CTNNA3: variants seen among roughly 807,000 people sequenced by gnomAD.
The protein encoded by CTNNA3 is catenin alpha 3.
CTNNA3 carries 76 observed loss-of-function variants against 95.7 expected under a neutral mutation model. The observed-to-expected ratio is 0.79, with a 90% CI of 0.66 to 0.96. The LOEUF is 0.96. Among genes scored for constraint, CTNNA3 ranks in the 40% least tolerant of loss-of-function variants. The probability of loss-of-function intolerance (pLI) is 0.00; values close to 1 mark genes in which losing one functional copy is unlikely to be tolerated. For missense variants in CTNNA3, 1,191 were observed against 1,089.8 expected, an observed-to-expected ratio of 1.09 and a Z score of -1.31; for synonymous variants, 431 against 374.4, an observed-to-expected ratio of 1.15 and a Z score of -1.74.
intron 11 of CTNNA3, among the ~76,000 whole-genome samples, chr10:66,520,117 G>A (rs1387445994): frequency 6.6e-6 from 1 of 151,812 alleles, no homozygotes; most frequent in Non-Finnish European, 1.5e-5. Context: ...AAGAGGTCAG[G>A]CTCATAATCC....
intron 7 of CTNNA3, among the ~76,000 whole-genome samples, chr10:67,167,364 G>A (rs922251084): frequency 2.0e-5 from 3 of 152,110 alleles, no homozygotes; most frequent in African/African-American, 7.2e-5. Context: ...TTATCTCTCT[G>A]TGTAGGCTGG....
rs1321743653 is a variant in CTNNA3 at position 66,881,083 on chromosome 10, C to A, written c.1048-105559G>T. ...ACTATCAGGCAGCATCCTGGGTGACCTACTGGCAGGTTTTTCCAAATCATT... is the reference window on the plus strand; with the variant it reads ...ACTATCAGGCAGCATCCTGGGTGACATACTGGCAGGTTTTTCCAAATCATT... On this transcript the variant is annotated intron_variant, in intron 7 of 17. Coordinates refer to ENST00000433211, the MANE Select transcript of CTNNA3 (RefSeq NM_013266.4). Among the ~76,000 whole-genome samples the A allele has an allele frequency of 2.6e-5, 4 of 152,056 alleles. No homozygotes were observed. In the East Asian group the frequency reaches 7.7e-4, roughly 29 times the overall value.
intron 6 of CTNNA3, among the ~76,000 whole-genome samples, chr10:67,207,630 C>T (rs1474375904): frequency 6.6e-6 from 1 of 152,084 alleles, no homozygotes; most frequent in Admixed American, 6.6e-5. Flanking sequence ...ATTTGCTTTC[C>T]ATGTTCTAAA....
At chr10:66,672,541 A>G (rs1197423516) in intron 9 of CTNNA3, among the ~76,000 whole-genome samples, 1 of 152,170 alleles carries the variant, frequency 6.6e-6, no homozygotes, top group African/African-American at 2.4e-5. Flanking sequence ...AATTTCCTTA[A>G]GACTTTTTTA....
chr10:66,679,207 C>T (rs1034936203), intron 9 of CTNNA3, among the ~76,000 whole-genome samples: 3 of 151,988 alleles, frequency 2.0e-5, no homozygotes, highest in African/African-American at 4.8e-5. Context: ...AATGCGAAGC[C>T]ATTTCAATCT....
chr10:66,447,117 A>G (rs201635576), intron 11 of CTNNA3, among the ~76,000 whole-genome samples: 6,505 of 151,800 alleles, frequency 0.043, 369 homozygotes, highest in East Asian at 0.23. Context: ...CCAACTTACA[A>G]GGGATGTGAA....
intron 5 of CTNNA3, among the ~76,000 whole-genome samples, chr10:67,267,245 A>G (rs999328364): frequency 6.6e-6 from 1 of 152,268 alleles, no homozygotes; most frequent in Non-Finnish European, 1.5e-5. Context: ...ATATTTACAT[A>G]GTAATAATAG....
intron 5 of CTNNA3, among the ~76,000 whole-genome samples, chr10:67,507,185 G>A (rs887427152): frequency 6.6e-5 from 10 of 152,166 alleles, no homozygotes; most frequent in African/African-American, 2.4e-4. Flanking sequence ...AAACTACCAA[G>A]ATAAAATCAT....
At chr10:67,533,840 A>G (rs1840409984) in intron 4 of CTNNA3, among the ~76,000 whole-genome samples, 1 of 152,126 alleles carries the variant, frequency 6.6e-6, no homozygotes, top group African/African-American at 2.4e-5. Context: ...ATATAGATAC[A>G]TGCTATTAAA....
chr10:66,454,878 A>G (rs896505772), intron 11 of CTNNA3, among the ~76,000 whole-genome samples: 4 of 151,882 alleles, frequency 2.6e-5, no homozygotes, highest in Non-Finnish European at 4.4e-5. Flanking sequence ...GGAAGAGGAT[A>G]AAAAAATATA....
intron 5 of CTNNA3, among the ~76,000 whole-genome samples, chr10:67,322,358 C>T (rs1202768371): frequency 6.6e-6 from 1 of 152,062 alleles, no homozygotes; most frequent in Non-Finnish European, 1.5e-5. Flanking sequence ...GTTATTTTTC[C>T]GGATCCTCTC....
chr10:67,699,338 C>A (rs1277237621), upstream of CTNNA3, among the ~76,000 whole-genome samples: 2 of 152,178 alleles, frequency 1.3e-5, no homozygotes, highest in African/African-American at 4.8e-5. Context: ...TCACAACCCA[C>A]TAAGATGATT....
intron 3 of CTNNA3, among the ~76,000 whole-genome samples, chr10:67,577,729 T>C (rs1317630629): frequency 2.0e-5 from 3 of 151,410 alleles, no homozygotes; most frequent in East Asian, 3.9e-4. Context: ...TGTGTATATA[T>C]ACTACATTTT....
At chr10:66,212,323 A>G (rs968077584) in intron 13 of CTNNA3, among the ~76,000 whole-genome samples, 4 of 152,076 alleles carry the variant, frequency 2.6e-5, no homozygotes, top group Admixed American at 6.6e-5. Flanking sequence ...TCAGCCTAAT[A>G]ATACTTATAG....
chr10:66,044,745 T>A (rs2079791179), intron 15 of CTNNA3, among the ~76,000 whole-genome samples: 1 of 152,216 alleles, frequency 6.6e-6, no homozygotes, highest in Non-Finnish European at 1.5e-5. Context: ...GCGCTATGGT[T>A]TTTCTCCTGT....
intron 5 of CTNNA3, among the ~76,000 whole-genome samples, chr10:67,308,453 A>G (rs1840649756): frequency 6.6e-6 from 1 of 152,188 alleles, no homozygotes; most frequent in Non-Finnish European, 1.5e-5. Flanking sequence ...ACCTTCTGCC[A>G]TGATTGTAAG....
chr10:67,445,473 C>G (rs1453477535), intron 5 of CTNNA3, among the ~76,000 whole-genome samples: 1 of 151,740 alleles, frequency 6.6e-6, no homozygotes, highest in Admixed American at 6.6e-5. Context: ...CTTTCTTTGC[C>G]CTTTGCCCCA....
intron 5 of CTNNA3, among the ~76,000 whole-genome samples, chr10:67,283,363 T>C (rs559272821): frequency 6.6e-6 from 1 of 152,288 alleles, no homozygotes; most frequent in African/African-American, 2.4e-5. Context: ...TCTCAGGAGT[T>C]GGGTGAGTGG....
chr10:66,419,856 C>G (rs886617503), intron 11 of CTNNA3, among the ~76,000 whole-genome samples: 6 of 152,174 alleles, frequency 3.9e-5, no homozygotes, highest in Admixed American at 6.5e-5. Flanking sequence ...TGAAACTGAA[C>G]CCCTATCTCT....
Sources: gnomAD v4.1 joint callset for allele counts (sites outside exome capture counted in the v4.1 genomes callset) on GRCh38, gnomAD v4.1.1 for gene constraint, MANE v1.5 for transcripts, NCBI Gene and HGNC (gene_info 2026-07-23, HGNC 2026-07-21) for gene names.